Variants in FGF12 observed in about 807,000 individuals in gnomAD.
The protein encoded by FGF12 is fibroblast growth factor 12B.
FGF12 carries 14 observed loss-of-function variants against 23.6 expected under a neutral mutation model. The observed-to-expected ratio is 0.59, with a 90% CI of 0.39 to 0.93. The LOEUF is 0.93. Among genes scored for constraint, FGF12 ranks in the 40% least tolerant of loss-of-function variants. FGF12 has a pLI of 0.00. For missense variants in FGF12, 175 were observed against 217.8 expected (o/e 0.80, Z 1.24); for synonymous variants, 62 against 77.3 (o/e 0.80, Z 1.04).
At chr3:192,578,709 T>G (rs977931999) in intron 2 of FGF12, among the ~76,000 whole-genome samples, 1 of 151,530 alleles carries the variant, frequency 6.6e-6, no homozygotes, top group African/African-American at 2.4e-5. Flanking sequence ...CCTTTTTCAC[T>G]CAAATTATCA....
intron 4 of FGF12, among the ~76,000 whole-genome samples, chr3:192,264,552 T>A (rs1019677946): frequency 6.6e-5 from 10 of 152,124 alleles, no homozygotes; most frequent in African/African-American, 2.2e-4. Context: ...AAATGATTTA[T>A]TTTCTTATTT....
chr3:192,456,364 G>T (rs1722681661), intron 2 of FGF12, among the ~76,000 whole-genome samples: 1 of 152,148 alleles, frequency 6.6e-6, no homozygotes, highest in African/African-American at 2.4e-5. Flanking sequence ...AGATATCTTA[G>T]CCCAAAGCCT....
At chr3:192,621,852 C>T (rs2178479) in intron 2 of FGF12, among the ~76,000 whole-genome samples, 116,942 of 151,922 alleles carry the variant, frequency 0.77, 45,898 homozygotes, top group African/African-American at 0.94. Flanking sequence ...AATGATACAA[C>T]GCAAGTTCTT....
intron 4 of FGF12, among the ~76,000 whole-genome samples, chr3:192,240,459 C>T (rs918892000): frequency 5.9e-5 from 9 of 152,028 alleles, no homozygotes; most frequent in Non-Finnish European, 8.8e-5. Flanking sequence ...TTATCTGCTA[C>T]AATAAGAATG....
intron 5 of FGF12, among the ~76,000 whole-genome samples, chr3:192,167,771 A>ATT (rs1560175808): frequency 4.2e-4 from 9 of 21,330 alleles, no homozygotes; most frequent in East Asian, 3.4e-3. Flanking sequence ...ATATATATAA[A>ATT]ATTTTTTTTT....
At chr3:192,693,420 A>C (rs188711872) in intron 2 of FGF12, among the ~76,000 whole-genome samples, 1 of 152,172 alleles carries the variant, frequency 6.6e-6, no homozygotes, top group Admixed American at 6.5e-5. Context: ...ATTAATTCTA[A>C]AATTTTTATG....
intron 5 of FGF12, among the ~76,000 whole-genome samples, chr3:192,155,272 T>C (rs1405962555): frequency 6.6e-6 from 1 of 152,184 alleles, no homozygotes; most frequent in East Asian, 1.9e-4. Context: ...ATCACCGGTC[T>C]TCTGCATTGC....
intron 3 of FGF12, among the ~76,000 whole-genome samples, chr3:192,352,086 T>C (rs1718248111): frequency 6.6e-6 from 1 of 152,120 alleles, no homozygotes; most frequent in Admixed American, 6.5e-5. Flanking sequence ...TGATCATATA[T>C]CTGTCCAGAA....
At chr3:192,439,667 A>G (rs948338468) in intron 2 of FGF12, among the ~76,000 whole-genome samples, 1 of 152,146 alleles carries the variant, frequency 6.6e-6, no homozygotes, top group Non-Finnish European at 1.5e-5. Context: ...TGAGCCAGAG[A>G]GGTACATGTT....
At chr3:192,156,676 T>C (rs1186339882) in intron 5 of FGF12, among the ~76,000 whole-genome samples, 1 of 152,192 alleles carries the variant, frequency 6.6e-6, no homozygotes, top group Admixed American at 6.5e-5. Flanking sequence ...TATTCATTTG[T>C]CAAGTACATA....
At chr3:192,542,617 C>CTT (rs936776806) in intron 2 of FGF12, among the ~76,000 whole-genome samples, 1 of 149,516 alleles carries the variant, frequency 6.7e-6, no homozygotes, top group Non-Finnish European at 1.5e-5. Flanking sequence ...TCTTCACAGT[C>CTT]TTTTTTTTTT....
chr3:192,305,679 A>AAT (rs1241285508), intron 4 of FGF12, among the ~76,000 whole-genome samples: 6,584 of 131,718 alleles, frequency 0.05, 269 homozygotes, highest in African/African-American at 0.1. Context: ...AAAAAAAAAA[A>AAT]ATATATATAT....
chr3:192,159,943 AGTGTGTGT>A lies in FGF12; in HGVS notation c.427+10507_427+10514del, dbSNP rs10575323. Among the ~76,000 whole-genome samples the A allele has an allele frequency of 9.9e-3, 1,481 of 149,300 alleles. 14 individuals carry two copies. Among genetic ancestry groups the A allele is most frequent in the East Asian group, 0.031 (156 of 5,092 alleles). ...TGATTTTAAAATGTCATATTTAAGTAGTGTGTGTGTGTGTGTGTGTGTGTGTGTGTGTG... is the reference window on the plus strand; with the variant it reads ...TGATTTTAAAATGTCATATTTAAGTAGTGTGTGTGTGTGTGTGTGTGTGTG... On this transcript the variant is annotated intron_variant, in intron 5 of 5. Transcript: ENST00000445105.
At chr3:192,267,333 G>A (rs1713143508) in intron 4 of FGF12, among the ~76,000 whole-genome samples, 1 of 152,140 alleles carries the variant, frequency 6.6e-6, no homozygotes, top group Non-Finnish European at 1.5e-5. Context: ...AATACAATGT[G>A]CAAGGTATAG....
intron 2 of FGF12, among the ~76,000 whole-genome samples, chr3:192,488,800 C>G (rs961982235): frequency 6.6e-6 from 1 of 152,036 alleles, no homozygotes; most frequent in African/African-American, 2.4e-5. Flanking sequence ...GACCATCTTT[C>G]TCTCTGTAGG....
chr3:192,360,811 T>G lies in FGF12; in HGVS notation c.14-273A>C, dbSNP rs1333316090. ...CAGAGACATGCTAAAAAGTGAGTTATTTTCCTCCTTTGTGCATCTGGTGTC... is the reference window on the plus strand; with the variant it reads ...CAGAGACATGCTAAAAAGTGAGTTAGTTTCCTCCTTTGTGCATCTGGTGTC... On this transcript the variant is annotated intron_variant, in intron 2 of 5. Coordinates refer to ENST00000445105, the MANE Select transcript of FGF12 (RefSeq NM_004113.6). The surrounding 1 kb of genome is among the most constrained non-coding windows in gnomAD (Gnocchi z 4.3). 1 of 419,106 alleles carries G rather than the reference T, an allele frequency of 2.4e-6. No individual in the cohort carries two copies. The highest frequency in any genetic ancestry group is 4.4e-6 in the Non-Finnish European group (1 of 227,490). 26.0% of individuals were successfully genotyped at this position (419,106 alleles called of 1,614,324 possible).
rs2108776057 is a variant in FGF12, at chr3:192,408,135, C to T, written c.14-47597G>A. ...GCGCCCGTCTTTGCTGGGGCTGGAG[C>T]GGCGCTTGGAGGCCGACACTCGGTC... On this transcript the variant is annotated intron_variant, in intron 2 of 5. Transcript: ENST00000445105. This position sits in a 1 kb window ranked among gnomAD's most constrained non-coding sequence, Gnocchi z 7.3. The T allele has an allele frequency of 1.2e-6, 2 of 1,612,528 alleles. No homozygotes were observed. Among genetic ancestry groups the T allele is most frequent in the Non-Finnish European group, 1.7e-6 (2 of 1,179,968 alleles).
intron 3 of FGF12, among the ~76,000 whole-genome samples, chr3:192,335,897 G>C (rs1347709054): frequency 2.0e-5 from 3 of 152,084 alleles, no homozygotes; most frequent in Non-Finnish European, 4.4e-5. Context: ...AAAGCTTCTT[G>C]TTTTTAGTAT....
chr3:192,471,221 G>C (rs918254672), intron 2 of FGF12, among the ~76,000 whole-genome samples: 2 of 152,164 alleles, frequency 1.3e-5, no homozygotes, highest in African/African-American at 2.4e-5. Flanking sequence ...GTTTTATTCA[G>C]ATGCAGTTTT....
Sources: allele counts gnomAD v4.1 joint callset (sites outside exome capture counted in the v4.1 genomes callset), GRCh38; gene constraint gnomAD v4.1.1; non-coding constraint Gnocchi (gnomAD v3.1); transcripts MANE v1.5; gene names NCBI Gene and HGNC (gene_info 2026-07-23, HGNC 2026-07-21).